Variants in UBE2H observed in about 807,000 individuals in gnomAD.
The protein encoded by UBE2H is ubiquitin conjugating enzyme E2 H.
UBE2H carries 3 observed loss-of-function variants against 29.0 expected under a neutral mutation model. That is an observed-to-expected ratio of 0.10 (90% CI 0.05 to 0.27). UBE2H has a LOEUF of 0.27. Ranked by LOEUF, UBE2H falls within the 10% of genes least tolerant of loss-of-function variation. The pLI is 1.00. For synonymous variants in UBE2H, 69 were observed against 82.9 expected, an observed-to-expected ratio of 0.83 and a Z score of 0.91; for missense variants, 68 against 228.2, an observed-to-expected ratio of 0.30 and a Z score of 4.52.
At chr7:129,868,005 T>C (rs1210722956) in intron 3 of UBE2H, among the ~76,000 whole-genome samples, 6 of 152,164 alleles carry the variant, frequency 3.9e-5, no homozygotes, top group Non-Finnish European at 8.8e-5. Context: ...AATCTCAAAC[T>C]GTGAACAGGT....
intron 3 of UBE2H, among the ~76,000 whole-genome samples, chr7:129,873,943 T>C (rs569592536): frequency 2.6e-5 from 4 of 152,336 alleles, no homozygotes; most frequent in Admixed American, 2.6e-4. Flanking sequence ...TGAAAATATG[T>C]AGATATAGAT....
chr7:129,901,923 G>T (rs1806724048), intron 1 of UBE2H, among the ~76,000 whole-genome samples: 1 of 152,116 alleles, frequency 6.6e-6, no homozygotes. Flanking sequence ...AAAATAAAAG[G>T]CAGGCAGGAG....
chr7:129,883,120 C>T (rs144668172), intron 1 of UBE2H, among the ~76,000 whole-genome samples: 1 of 152,210 alleles, frequency 6.6e-6, no homozygotes, highest in Non-Finnish European at 1.5e-5. Context: ...TCACTATAAA[C>T]AATGAAAACA....
intron 1 of UBE2H, among the ~76,000 whole-genome samples, chr7:129,899,319 AG>A (rs1323492092): frequency 1.3e-5 from 2 of 152,242 alleles, no homozygotes; most frequent in Non-Finnish European, 2.9e-5. Flanking sequence ...GGTTGCATCC[AG>A]TTACTTTCTA....
intron 3 of UBE2H, among the ~76,000 whole-genome samples, chr7:129,861,640 C>A (rs1805805411): frequency 6.6e-6 from 1 of 152,112 alleles, no homozygotes. Flanking sequence ...GCCCGTAATC[C>A]CAACACTTTG....
chr7:129,940,446 A>C lies in UBE2H; in HGVS notation c.53+12057T>G, dbSNP rs549787169. 1.1e-4 allele frequency among the ~76,000 whole-genome samples: 16 copies of C among 152,306 alleles called. No homozygotes were observed. The South Asian group carries it at 3.3e-3, about 32-fold the overall frequency. ...GAGTCCACTGACAGACCCGCCAACCATGCCTATCTTCTAGAGAATGGCAAA... is the reference window on the plus strand; with the variant it reads ...GAGTCCACTGACAGACCCGCCAACCCTGCCTATCTTCTAGAGAATGGCAAA... On this transcript the variant is annotated intron_variant, in intron 1 of 6. Transcript: ENST00000355621.
chr7:129,874,604 C>T (rs546487620), intron 3 of UBE2H, among the ~76,000 whole-genome samples: 178 of 152,238 alleles, frequency 1.2e-3, no homozygotes, highest in African/African-American at 4.0e-3. Context: ...CCACCACACC[C>T]GGCCCTGTAT....
At chr7:129,914,889 T>C (rs1807013306) in intron 1 of UBE2H, among the ~76,000 whole-genome samples, 1 of 152,192 alleles carries the variant, frequency 6.6e-6, no homozygotes, top group African/African-American at 2.4e-5. Context: ...AAACAGTACC[T>C]ACCTCTTGAG....
intron 1 of UBE2H, among the ~76,000 whole-genome samples, chr7:129,901,744 G>A (rs1342107951): frequency 3.9e-5 from 6 of 152,068 alleles, no homozygotes; most frequent in African/African-American, 4.8e-5. Flanking sequence ...ACAGGTGCCC[G>A]CCACCATGTC....
At chr7:129,905,206 G>GA (rs903810528) in intron 1 of UBE2H, among the ~76,000 whole-genome samples, 57 of 151,840 alleles carry the variant, frequency 3.8e-4, no homozygotes, top group African/African-American at 1.4e-3. Flanking sequence ...GAATGAAAAA[G>GA]AAAGACTGGC....
At chr7:129,838,745 T>A (rs925922440) in intron 6 of UBE2H, among the ~76,000 whole-genome samples, 2 of 152,182 alleles carry the variant, frequency 1.3e-5, no homozygotes, top group African/African-American at 4.8e-5. Flanking sequence ...TTCAGGCGAT[T>A]CTCTTGCCTC....
chr7:129,852,977 T>C (rs1181695339), intron 5 of UBE2H, among the ~76,000 whole-genome samples: 1 of 152,152 alleles, frequency 6.6e-6, no homozygotes, highest in African/African-American at 2.4e-5. Flanking sequence ...CCGCCTGCCT[T>C]GTCCTCCCAA....
At chr7:129,929,747 T>G (rs891155002) in intron 1 of UBE2H, among the ~76,000 whole-genome samples, 2 of 152,128 alleles carry the variant, frequency 1.3e-5, no homozygotes, top group African/African-American at 2.4e-5. Flanking sequence ...CAGTGGCTGA[T>G]GCCTGTAATC....
intron 5 of UBE2H, among the ~76,000 whole-genome samples, chr7:129,841,085 G>C (rs1279184017): frequency 6.6e-6 from 1 of 152,198 alleles, no homozygotes; most frequent in Non-Finnish European, 1.5e-5. Context: ...TGTCAGCAGT[G>C]CTGAGGTTAA....
chr7:129,876,282 G>C (rs1179277942), intron 3 of UBE2H, among the ~76,000 whole-genome samples: 1 of 152,098 alleles, frequency 6.6e-6, no homozygotes, highest in Non-Finnish European at 1.5e-5. Flanking sequence ...CATGGTCAAG[G>C]AGAACCAGGG....
chr7:129,888,803 C>T (rs1027807871), intron 1 of UBE2H, among the ~76,000 whole-genome samples: 1 of 152,162 alleles, frequency 6.6e-6, no homozygotes, highest in African/African-American at 2.4e-5. Flanking sequence ...CAGAGACTGC[C>T]TTCCAGAAGT....
chr7:129,881,011 T>C (rs368151949), intron 1 of UBE2H, 40 bp from the exon 2 acceptor site: 2 of 1,575,708 alleles, frequency 1.3e-6, no homozygotes, highest in Non-Finnish European at 8.6e-7. Context: ...GGCTTTACAG[T>C]ATCTGGCAGA....
At position 129,889,955 on chromosome 7, in the gene UBE2H, C is replaced by A. The variant is rs1357035503; in HGVS notation, c.54-8984G>T. Among the ~76,000 whole-genome samples, 5 of 151,820 alleles carry A rather than the reference C, an allele frequency of 3.3e-5. No homozygotes were observed. The East Asian group carries it at 9.7e-4, about 29-fold the overall frequency. On this transcript the variant is annotated intron_variant, in intron 1 of 6. Transcript: ENST00000355621. ...GACCAGCATGGGCAACATAGTGAGACCCCCATCACTACAAAAAACACCAAA... is the reference window on the plus strand; with the variant it reads ...GACCAGCATGGGCAACATAGTGAGAACCCCATCACTACAAAAAACACCAAA...
chr7:129,936,983 TAACA>T (rs771229560), intron 1 of UBE2H, among the ~76,000 whole-genome samples: 6 of 141,264 alleles, frequency 4.2e-5, no homozygotes, highest in Non-Finnish European at 6.2e-5. Flanking sequence ...CATATCAAAA[TAACA>T]AACAAACAAA....
Sources: gnomAD v4.1 joint callset for allele counts (sites outside exome capture counted in the v4.1 genomes callset) on GRCh38, gnomAD v4.1.1 for gene constraint, MANE v1.5 for transcripts, NCBI Gene and HGNC (gene_info 2026-07-23, HGNC 2026-07-21) for gene names.